The following MACROD2 variants were observed in gnomAD, a reference collection of about 807,000 sequenced individuals.
MACROD2 encodes mono-ADP ribosylhydrolase 2.
A neutral mutation model predicts 70.4 loss-of-function variants in MACROD2; 36 were observed. That is an observed-to-expected ratio of 0.51 (90% CI 0.39 to 0.68). The LOEUF is 0.68. Ranked by LOEUF, MACROD2 falls within the 30% of genes least tolerant of loss-of-function variation. The pLI, the probability that MACROD2 is intolerant of heterozygous loss-of-function variation, is 0.00. For missense variants in MACROD2, 496 were observed against 538.4 expected (o/e 0.92, Z 0.78); for synonymous variants, 172 against 178.8 (o/e 0.96, Z 0.30).
intron 2 of MACROD2, among the ~76,000 whole-genome samples, chr20:14,069,191 C>G (rs942722930): frequency 2.0e-5 from 3 of 152,244 alleles, no homozygotes; most frequent in East Asian, 1.9e-4. Flanking sequence ...AAGTGATCAG[C>G]CTGCCTCGGC....
chr20:14,713,804 G>A (rs1750565758), intron 5 of MACROD2, among the ~76,000 whole-genome samples: 2 of 152,138 alleles, frequency 1.3e-5, no homozygotes, highest in Non-Finnish European at 2.9e-5. Context: ...AGCAAAACAA[G>A]GCATGATTAA....
chr20:15,828,279 A>G (rs1240885999), intron 8 of MACROD2, among the ~76,000 whole-genome samples: 4 of 152,170 alleles, frequency 2.6e-5, no homozygotes, highest in Non-Finnish European at 5.9e-5. Context: ...ATATGGATAA[A>G]ACTTAGTTTG....
intron 5 of MACROD2, among the ~76,000 whole-genome samples, chr20:15,141,240 G>A (rs1226440166): frequency 6.6e-6 from 1 of 151,476 alleles, no homozygotes; most frequent in Non-Finnish European, 1.5e-5. Flanking sequence ...AGTGCATATA[G>A]TTATATATCT....
intron 3 of MACROD2, among the ~76,000 whole-genome samples, chr20:14,251,133 C>G (rs1401782773): frequency 6.6e-6 from 1 of 152,230 alleles, no homozygotes; most frequent in East Asian, 1.9e-4. Context: ...GACCTATGTA[C>G]TATCAGATCA....
At chr20:14,140,887 T>C (rs2148705425) in intron 3 of MACROD2, among the ~76,000 whole-genome samples, 1 of 152,328 alleles carries the variant, frequency 6.6e-6, no homozygotes, top group South Asian at 2.1e-4. Context: ...TCCTTCTATG[T>C]TGGAAAAACA....
At chr20:15,373,337 A>C (rs1202958019) in intron 6 of MACROD2, among the ~76,000 whole-genome samples, 1 of 152,158 alleles carries the variant, frequency 6.6e-6, no homozygotes, top group Admixed American at 6.6e-5. Context: ...TATTATCTTC[A>C]AAACTGATTT....
chr20:15,157,168 C>A (rs2076312338), intron 5 of MACROD2, among the ~76,000 whole-genome samples: 1 of 152,102 alleles, frequency 6.6e-6, no homozygotes, highest in South Asian at 2.1e-4. Context: ...GCTGGGAAGT[C>A]CAAGACTAAG....
intron 3 of MACROD2, among the ~76,000 whole-genome samples, chr20:14,273,600 C>G (rs1455660081): frequency 1.8e-4 from 27 of 146,106 alleles, no homozygotes; most frequent in African/African-American, 6.8e-4. Context: ...AAAGCAAGAG[C>G]AAACACATTC....
At chr20:14,015,093 G>A (rs2052969189) in intron 2 of MACROD2, among the ~76,000 whole-genome samples, 1 of 151,652 alleles carries the variant, frequency 6.6e-6, no homozygotes, top group African/African-American at 2.4e-5. Flanking sequence ...ACTGTGCCCA[G>A]CCCCTTTTCT....
intron 8 of MACROD2, among the ~76,000 whole-genome samples, chr20:15,523,241 G>A (rs1011749236): frequency 5.3e-5 from 8 of 152,242 alleles, no homozygotes; most frequent in Non-Finnish European, 1.2e-4. Flanking sequence ...AGGGAAGGAC[G>A]TTGCTGTATG....
At chr20:14,516,411 C>T (rs994588429) in intron 4 of MACROD2, among the ~76,000 whole-genome samples, 2 of 152,078 alleles carry the variant, frequency 1.3e-5, no homozygotes, top group Non-Finnish European at 2.9e-5. Context: ...CCTAGGTTTT[C>T]TTCTAGGGTT....
chr20:15,341,605 T>C (rs1178522638), intron 6 of MACROD2, among the ~76,000 whole-genome samples: 1 of 152,184 alleles, frequency 6.6e-6, no homozygotes, highest in Non-Finnish European at 1.5e-5. Flanking sequence ...AATCTAGAGA[T>C]GAATTGAAGA....
chr20:15,468,272 T>C (rs1040854370), intron 7 of MACROD2, among the ~76,000 whole-genome samples: 5 of 152,080 alleles, frequency 3.3e-5, no homozygotes, highest in African/African-American at 1.2e-4. Flanking sequence ...AAGAGGATAC[T>C]TCCTCCATAC....
intron 15 of MACROD2, among the ~76,000 whole-genome samples, chr20:16,039,085 A>C (rs368967399): frequency 6.6e-6 from 1 of 151,930 alleles, no homozygotes; most frequent in Non-Finnish European, 1.5e-5. Context: ...TGCAGGCTCT[A>C]TTCAACTTCT....
At chr20:15,485,863 C>A (rs2047156753) in intron 7 of MACROD2, among the ~76,000 whole-genome samples, 4 of 151,982 alleles carry the variant, frequency 2.6e-5, no homozygotes, top group Admixed American at 2.6e-4. Flanking sequence ...CCAAAACCAG[C>A]CAAGGGGATG....
At chr20:15,671,774 G>T (rs2049982971) in intron 8 of MACROD2, among the ~76,000 whole-genome samples, 1 of 152,188 alleles carries the variant, frequency 6.6e-6, no homozygotes, top group African/African-American at 2.4e-5. Context: ...TAGAATTTTT[G>T]AGTGCTAACA....
chr20:14,935,390 A>C (rs2074332303), intron 5 of MACROD2: 1 of 151,994 alleles, frequency 6.6e-6, no homozygotes, highest in African/African-American at 2.4e-5. Context: ...TAGAGTACTA[A>C]TTTTTCAGGC....
chr20:15,040,101 A>T lies in MACROD2; in HGVS notation c.419-189839A>T, dbSNP rs116270124. On this transcript the variant is annotated intron_variant, in intron 5 of 17. Transcript: ENST00000684519. ...CTGGGAACCATATAGAGGTGATCTC[A>T]TAGCTTTGAAGTACCTTGATTGGCT... is the stretch of plus-strand genomic sequence containing the variant. 5.0e-3 allele frequency among the ~76,000 whole-genome samples: 759 copies of T among 152,252 alleles called. 11 individuals carry two copies. Among genetic ancestry groups the T allele is most frequent in the African/African-American group, 0.017 (726 of 41,540 alleles).
At position 15,438,600 on chromosome 20, in the gene MACROD2, AC is replaced by A. The variant is rs1030006216; in HGVS notation, c.571+7168del. Among the ~76,000 whole-genome samples, 10 of 145,014 alleles carry A rather than the reference AC, an allele frequency of 6.9e-5. No individual in the cohort carries two copies. The East Asian group carries it at 7.9e-4, about 11-fold the overall frequency. On this transcript the variant is annotated intron_variant, in intron 7 of 17. Transcript: ENST00000684519. Reference sequence around the variant, plus strand: ...CAGGAAGTCTTCCTTAGGTATGCCAACCCTTGGTGGTCATTATACTTTCTGA... The same window carrying A: ...CAGGAAGTCTTCCTTAGGTATGCCAACCTTGGTGGTCATTATACTTTCTGA...
Sources: allele counts gnomAD v4.1 joint callset (sites outside exome capture counted in the v4.1 genomes callset), GRCh38; gene constraint gnomAD v4.1.1; transcripts MANE v1.5; gene names NCBI Gene and HGNC (gene_info 2026-07-23, HGNC 2026-07-21).